The following ERBB4 variants were observed in gnomAD, a reference collection of about 807,000 sequenced individuals.
ERBB4 encodes the protein receptor tyrosine-protein kinase erbB-4.
In ERBB4, 42 loss-of-function variants were observed where a neutral mutation model predicts 158.0. The observed-to-expected ratio is 0.27, with a 90% CI of 0.21 to 0.34. The LOEUF is 0.34. Among genes scored for constraint, ERBB4 ranks in the 10% least tolerant of loss-of-function variants. The probability of loss-of-function intolerance (pLI) is 1.00; values close to 1 mark genes in which losing one functional copy is unlikely to be tolerated. For missense variants in ERBB4, 1,333 were observed against 1,624.1 expected (o/e 0.82, Z 3.08); for synonymous variants, 583 against 558.7 (o/e 1.04, Z -0.61).
intron 2 of ERBB4, among the ~76,000 whole-genome samples, chr2:211,949,024 T>C (rs2080795588): frequency 6.6e-6 from 1 of 152,154 alleles, no homozygotes; most frequent in African/African-American, 2.4e-5. Flanking sequence ...CTTTTCTGAC[T>C]TTCAGGCCAA....
chr2:211,826,849 T>C (rs1394722384), intron 3 of ERBB4, among the ~76,000 whole-genome samples: 1 of 152,094 alleles, frequency 6.6e-6, no homozygotes, highest in Non-Finnish European at 1.5e-5. Flanking sequence ...CATATTTTAC[T>C]TAAGGCAATC....
chr2:212,347,598 A>G (rs1358430977), intron 1 of ERBB4, among the ~76,000 whole-genome samples: 1 of 152,142 alleles, frequency 6.6e-6, no homozygotes, highest in Non-Finnish European at 1.5e-5. Flanking sequence ...GAACTGTTGC[A>G]GATATTTGAT....
chr2:212,258,419 CT>C (rs1465198525), intron 1 of ERBB4, among the ~76,000 whole-genome samples: 1 of 151,630 alleles, frequency 6.6e-6, no homozygotes, highest in African/African-American at 2.4e-5. Context: ...CGTCCACTGT[CT>C]CAGTTAGAAC....
intron 3 of ERBB4, among the ~76,000 whole-genome samples, chr2:211,867,437 A>G (rs2078238095): frequency 1.3e-5 from 2 of 152,256 alleles, no homozygotes; most frequent in Non-Finnish European, 2.9e-5. Context: ...TTAATGATAA[A>G]ATAAGAATAA....
intron 2 of ERBB4, among the ~76,000 whole-genome samples, chr2:212,115,812 T>C (rs1370345860): frequency 6.6e-6 from 1 of 152,130 alleles, no homozygotes; most frequent in Non-Finnish European, 1.5e-5. Flanking sequence ...CCTGGATGTA[T>C]TTTTCTCATT....
At chr2:211,584,749 T>C (rs2068211050) in intron 19 of ERBB4, among the ~76,000 whole-genome samples, 1 of 151,416 alleles carries the variant, frequency 6.6e-6, no homozygotes, top group Admixed American at 6.6e-5. Context: ...TATATGTATA[T>C]TAAATATTTA....
chr2:211,535,998 G>A (rs1002266243), intron 20 of ERBB4, among the ~76,000 whole-genome samples: 1 of 151,552 alleles, frequency 6.6e-6, no homozygotes, highest in Admixed American at 6.6e-5. Flanking sequence ...AGAACACCAA[G>A]AGTATACTGG....
intron 2 of ERBB4, among the ~76,000 whole-genome samples, chr2:212,024,622 T>C (rs1169241433): frequency 6.6e-6 from 1 of 151,952 alleles, no homozygotes; most frequent in Non-Finnish European, 1.5e-5. Context: ...ATTTTCCTTT[T>C]TCTTTTACTG....
At chr2:211,840,897 G>C (rs918994977) in intron 3 of ERBB4, among the ~76,000 whole-genome samples, 2 of 152,072 alleles carry the variant, frequency 1.3e-5, no homozygotes, top group African/African-American at 4.8e-5. Flanking sequence ...TGGAGATCAA[G>C]TGGGACACTT....
chr2:211,773,623 T>TA lies in ERBB4; in HGVS notation c.556+14401dup, dbSNP rs1193349859. ...TTATATATATATATATATATATATA[T>TA]ATATATATATATATATATATATATA... is the stretch of plus-strand genomic sequence containing the variant. On this transcript the variant is annotated intron_variant, in intron 4 of 27. Coordinates refer to ENST00000342788, the MANE Select transcript of ERBB4 (RefSeq NM_005235.3). 1.9e-3 allele frequency among the ~76,000 whole-genome samples: 127 copies of TA among 66,556 alleles called. 3 individuals carry two copies. The highest frequency in any genetic ancestry group is 6.0e-3 in the Middle Eastern group (1 of 166). 43.7% of individuals were successfully genotyped at this position (66,556 alleles called of 152,430 possible). A position where few individuals can be genotyped will look rare whatever the true frequency, so the allele number is the denominator to read the frequency against.
intron 1 of ERBB4, among the ~76,000 whole-genome samples, chr2:212,374,496 T>A (rs1264429072): frequency 6.6e-6 from 1 of 152,032 alleles, no homozygotes; most frequent in East Asian, 1.9e-4. Flanking sequence ...GATGTGTGTG[T>A]GTGTACACCA....
chr2:212,509,004 G>A (rs1691353193), intron 1 of ERBB4, among the ~76,000 whole-genome samples: 1 of 152,028 alleles, frequency 6.6e-6, no homozygotes, highest in Non-Finnish European at 1.5e-5. Flanking sequence ...ATGTCCTTAA[G>A]ACTTATACCA....
intron 1 of ERBB4, among the ~76,000 whole-genome samples, chr2:212,146,334 G>A (rs533050275): frequency 1.8e-4 from 27 of 152,202 alleles, no homozygotes; most frequent in African/African-American, 5.8e-4. Flanking sequence ...GCCTTTTGCC[G>A]ATGTCACCCT....
intron 16 of ERBB4, among the ~76,000 whole-genome samples, chr2:211,641,413 A>G (rs2125894576): frequency 6.6e-6 from 1 of 152,144 alleles, no homozygotes; most frequent in East Asian, 1.9e-4. Context: ...AGAGGAACAA[A>G]CCTTAAAAAT....
At chr2:211,673,095 T>C (rs2071905647) in intron 14 of ERBB4, 69 bp downstream of exon 14, 13 of 1,190,976 alleles carry the variant, frequency 1.1e-5, no homozygotes, top group Non-Finnish European at 1.5e-5. Flanking sequence ...GAATAAATGA[T>C]AAAATAATAA....
chr2:211,927,655 T>C (rs1241109210), intron 3 of ERBB4, among the ~76,000 whole-genome samples: 2 of 152,006 alleles, frequency 1.3e-5, no homozygotes, highest in Admixed American at 1.3e-4. Flanking sequence ...AACACAAATG[T>C]AGAGTGAGGA....
chr2:211,481,082 A>G (rs1038896470), intron 20 of ERBB4, among the ~76,000 whole-genome samples: 5 of 152,196 alleles, frequency 3.3e-5, no homozygotes, highest in Non-Finnish European at 5.9e-5. Flanking sequence ...TAGTGTACAT[A>G]TCTTTCATTT....
In ERBB4 at chr2:211,507,193, G is replaced by A. The variant is rs116234130; in HGVS notation, c.2487+54710C>T. Among the ~76,000 whole-genome samples the A allele has an allele frequency of 8.9e-3, 1,356 of 152,120 alleles. 22 individuals are homozygous for A. The highest frequency in any genetic ancestry group is 0.031 in the African/African-American group (1,296 of 41,516). On this transcript the variant is annotated intron_variant, in intron 20 of 27. Transcript: ENST00000342788. ...GAAATCCTAAACGGACAAACAATAA[G>A]TGATGAAACTAAATCAGTAATAAAA...
At chr2:211,877,693 G>T (rs1193244792) in intron 3 of ERBB4, among the ~76,000 whole-genome samples, 1 of 151,880 alleles carries the variant, frequency 6.6e-6, no homozygotes, top group Admixed American at 6.6e-5. Flanking sequence ...AATTTGTATA[G>T]GAAATAAATA....
Sources: allele counts gnomAD v4.1 joint callset (sites outside exome capture counted in the v4.1 genomes callset), GRCh38; gene constraint gnomAD v4.1.1; transcripts MANE v1.5; gene names NCBI Gene and HGNC (gene_info 2026-07-23, HGNC 2026-07-21).